INTS9: variants seen among roughly 807,000 people sequenced by gnomAD.
INTS9 encodes the protein integrator complex subunit 9.
INTS9 carries 55 observed loss-of-function variants against 79.7 expected under a neutral mutation model. The ratio of observed to expected loss-of-function variants is 0.69; its 90% CI spans 0.56 to 0.86. The LOEUF is 0.86. Among genes scored for constraint, INTS9 ranks in the 40% least tolerant of loss-of-function variants. The pLI is 0.00. For synonymous variants in INTS9, 319 were observed against 325.2 expected, an observed-to-expected ratio of 0.98 and a Z score of 0.20; for missense variants, 721 against 831.5, an observed-to-expected ratio of 0.87 and a Z score of 1.64.
At chr8:28,829,728 C>G (rs991150190) in intron 6 of INTS9, among the ~76,000 whole-genome samples, 2 of 152,192 alleles carry the variant, frequency 1.3e-5, no homozygotes, top group Non-Finnish European at 2.9e-5. Context: ...CAAAGTACCT[C>G]TCTAAGAGCT....
At chr8:28,778,116 G>A (rs755142950) in intron 12 of INTS9, among the ~76,000 whole-genome samples, 163 bp from the exon 13 acceptor site, 2 of 152,166 alleles carry the variant, frequency 1.3e-5, no homozygotes, top group Admixed American at 6.5e-5. Context: ...GTGGAAGGAG[G>A]GGCAGGCTGG....
intron 1 of INTS9, among the ~76,000 whole-genome samples, chr8:28,868,376 A>G (rs886509876): frequency 2.6e-5 from 4 of 152,188 alleles, no homozygotes; most frequent in East Asian, 1.9e-4. Flanking sequence ...ACTGTAACCT[A>G]TAACTTCTAG....
chr8:28,807,091 G>A (rs1352708735), intron 8 of INTS9, among the ~76,000 whole-genome samples: 1 of 152,086 alleles, frequency 6.6e-6, no homozygotes, highest in Non-Finnish European at 1.5e-5. Context: ...TGATCAAGAT[G>A]ATGATGAAAA....
At chr8:28,789,108 G>T (rs569581975) in intron 10 of INTS9, among the ~76,000 whole-genome samples, 1 of 152,290 alleles carries the variant, frequency 6.6e-6, no homozygotes, top group Non-Finnish European at 1.5e-5. Context: ...AGATGCTTTT[G>T]GAGGGTTACC....
chr8:28,808,373 A>G (rs1411707440), intron 8 of INTS9, among the ~76,000 whole-genome samples: 1 of 151,978 alleles, frequency 6.6e-6, no homozygotes, highest in East Asian at 1.9e-4. Flanking sequence ...TTGTATTTTT[A>G]GTAGAGATGG....
At chr8:28,816,098 T>C (rs1484964914) in intron 6 of INTS9, among the ~76,000 whole-genome samples, 2 of 152,028 alleles carry the variant, frequency 1.3e-5, no homozygotes, top group Admixed American at 1.3e-4. Flanking sequence ...AGAAAATGCA[T>C]GCCAAGGACT....
At chr8:28,790,871 A>G (rs1025293480) in intron 10 of INTS9, among the ~76,000 whole-genome samples, 2 of 152,182 alleles carry the variant, frequency 1.3e-5, no homozygotes, top group East Asian at 3.8e-4. Context: ...GGATTGGACA[A>G]GTTTCACCTG....
Position 28,777,906 on chromosome 8 carries a change from C to T in INTS9, c.1318G>A (p.Ala440Thr), listed in dbSNP as rs1419754955. 24 of 1,612,440 alleles carry T rather than the reference C, an allele frequency of 1.5e-5. No homozygotes were observed. Among genetic ancestry groups the T allele is most frequent in the East Asian group, 2.2e-5 (1 of 44,672 alleles). Residue 440 changes from alanine (A) to threonine (T), a missense_variant, in exon 13 of 17, where the codon GCC becomes ACC. Ala to Thr is a moderately conservative substitution (Grantham distance 58). Coordinates refer to ENST00000521022, the MANE Select transcript of INTS9 (RefSeq NM_018250.4). Reference sequence around the variant, plus strand: ...ATGGGGCAGTAGATGCATTTCATGGCCAGCGGCTGGTAAGGAGCCAGGGCT... The same window carrying T: ...ATGGGGCAGTAGATGCATTTCATGGTCAGCGGCTGGTAAGGAGCCAGGGCT... ...LEALAPYQPL[A>T]MKCIYCPIDT...
At chr8:28,859,734 C>T (rs1272828501) in intron 1 of INTS9, 171 bp from the exon 2 acceptor site, 18 of 740,310 alleles carry the variant, frequency 2.4e-5, no homozygotes, top group Non-Finnish European at 4.0e-5. Context: ...TTTCCCTAGC[C>T]GTTCAAAATA....
Position 28,889,896 on chromosome 8 carries a change from T to C in INTS9, c.-14A>G. The C allele has an allele frequency of 6.2e-7, 1 of 1,612,886 alleles. No individual in the cohort carries two copies. Among genetic ancestry groups the C allele is most frequent in the Non-Finnish European group, 8.5e-7 (1 of 1,179,056 alleles). Reference sequence around the variant, plus strand: ...CACCAGTTTCATAATGGACTTTTGGTGGTTCAATAGCAGTCACTGAACTCC... The same window carrying C: ...CACCAGTTTCATAATGGACTTTTGGCGGTTCAATAGCAGTCACTGAACTCC... On this transcript the variant is annotated 5_prime_UTR_variant, in exon 1 of 17. Transcript: ENST00000521022.
intron 2 of INTS9, among the ~76,000 whole-genome samples, chr8:28,856,442 GTC>G (rs142538325): frequency 8.0e-5 from 12 of 150,648 alleles, no homozygotes; most frequent in African/African-American, 1.2e-4. Flanking sequence ...TTGAGACACG[GTC>G]TCTCTCTCTC....
At position 28,775,051 on chromosome 8, in the gene INTS9, G is replaced by C. The variant is rs1310244723; in HGVS notation, c.1563+708C>G. Among the ~76,000 whole-genome samples, 3 of 152,026 alleles carry C rather than the reference G, an allele frequency of 2.0e-5. No homozygotes were observed. In the South Asian group the frequency reaches 6.2e-4, roughly 32 times the overall value. ...CCAAGTTTACAATCCTTATTTTTTG[G>C]TTCCTGTTATCTCCCCCATCTACCT... On this transcript the variant is annotated intron_variant, in intron 14 of 16. Transcript: ENST00000521022.
At chr8:28,883,132 T>G (rs934037780) in intron 1 of INTS9, among the ~76,000 whole-genome samples, 1 of 152,206 alleles carries the variant, frequency 6.6e-6, no homozygotes, top group Non-Finnish European at 1.5e-5. Flanking sequence ...CTGGGGAGTA[T>G]AGGGGATTTC....
intron 1 of INTS9, among the ~76,000 whole-genome samples, chr8:28,882,543 A>G (rs1216906475): frequency 6.9e-6 from 1 of 144,370 alleles, no homozygotes; most frequent in African/African-American, 2.6e-5. Context: ...AAAAAAAAAA[A>G]AAAAGAAAAA....
At chr8:28,888,696 T>G (rs1224176477) in intron 1 of INTS9, among the ~76,000 whole-genome samples, 1 of 152,220 alleles carries the variant, frequency 6.6e-6, no homozygotes, top group Non-Finnish European at 1.5e-5. Flanking sequence ...TTCTCAAGGT[T>G]TAGTGACCCG....
intron 1 of INTS9, among the ~76,000 whole-genome samples, chr8:28,880,252 C>G (rs1329530352): frequency 1.5e-5 from 2 of 137,236 alleles, no homozygotes; most frequent in Non-Finnish European, 3.2e-5. Flanking sequence ...CCCTCTCCCT[C>G]TCCCTCTCCC....
chr8:28,774,118 A>G lies in INTS9; in HGVS notation c.1563+1641T>C, dbSNP rs545035042. 5.9e-5 allele frequency among the ~76,000 whole-genome samples: 9 copies of G among 152,314 alleles called. No homozygotes were observed. In the East Asian group the frequency reaches 1.3e-3, roughly 23 times the overall value. On this transcript the variant is annotated intron_variant, in intron 14 of 16. Coordinates refer to ENST00000521022, the MANE Select transcript of INTS9 (RefSeq NM_018250.4). Reference sequence around the variant, plus strand: ...GTGAGCTACCATGCCTGGCTGAAATATCTTAAATGATATAATGTACTTACT... The same window carrying G: ...GTGAGCTACCATGCCTGGCTGAAATGTCTTAAATGATATAATGTACTTACT...
rs548806946 is a variant in INTS9, at chr8:28,790,095, A to G, written c.1038-2206T>C. Reference sequence around the variant, plus strand: ...ATCAAAGCAGGACCATGTAGAAGCCAGAGCAGAACCCCTGAGAACGGGAAG... The same window carrying G: ...ATCAAAGCAGGACCATGTAGAAGCCGGAGCAGAACCCCTGAGAACGGGAAG... On this transcript the variant is annotated intron_variant, in intron 10 of 16. Transcript: ENST00000521022. Among the ~76,000 whole-genome samples, 245 of 152,336 alleles carry G rather than the reference A, an allele frequency of 1.6e-3. 4 individuals carry two copies. Among genetic ancestry groups the G allele is most frequent in the African/African-American group, 5.8e-3 (241 of 41,570 alleles).
intron 1 of INTS9, among the ~76,000 whole-genome samples, chr8:28,889,655 C>G (rs1241857035): frequency 6.6e-6 from 1 of 152,102 alleles, no homozygotes. Context: ...AAAAGACCCA[C>G]TAACGAGTGA....
Sources: allele counts gnomAD v4.1 joint callset (sites outside exome capture counted in the v4.1 genomes callset), GRCh38; gene constraint gnomAD v4.1.1; transcripts MANE v1.5; gene names NCBI Gene and HGNC (gene_info 2026-07-23, HGNC 2026-07-21).